Variants in LRP1B observed in about 807,000 individuals in gnomAD.
The protein encoded by LRP1B is LDL receptor related protein 1B.
LRP1B carries 217 observed loss-of-function variants against 556.6 expected under a neutral mutation model. The observed-to-expected ratio is 0.39, with a 90% CI of 0.35 to 0.44. LRP1B has a LOEUF of 0.44. Among genes scored for constraint, LRP1B ranks in the 20% least tolerant of loss-of-function variants. LRP1B has a pLI of 1.00. For missense variants in LRP1B, 5,053 were observed against 5,620.8 expected, an observed-to-expected ratio of 0.90 and a Z score of 3.23; for synonymous variants, 2,047 against 1,865.8, an observed-to-expected ratio of 1.10 and a Z score of -2.50.
chr2:141,637,405 G>T (rs180883680), intron 2 of LRP1B, among the ~76,000 whole-genome samples: 9 of 152,284 alleles, frequency 5.9e-5, no homozygotes, highest in African/African-American at 1.7e-4. Flanking sequence ...TCTAGGGGAA[G>T]AAACCCAAGT....
Position 140,994,088 on chromosome 2 carries a change from G to A in LRP1B, c.2551C>T (p.Arg851Cys), listed in dbSNP as rs770616268. 9.9e-6 allele frequency: 16 copies of A among 1,612,462 alleles called. No individual in the cohort carries two copies. Among genetic ancestry groups the A allele is most frequent in the African/African-American group, 5.3e-5 (4 of 74,770 alleles). ...TGGATACAGTGTCTGTTTTTGCAGC[G>A]AAACTCTCCAGCTTTACATATGTGA... is the stretch of plus-strand genomic sequence containing the variant. ...LPHICKAGEF[R>C]CKNRHCIQAR... The change falls in exon 16 of 91, where the codon CGC becomes TGC. Residue 851 changes from arginine (R) to cysteine (C), a missense_variant. Physicochemically the swap from Arg to Cys is radical, Grantham distance 180. Around this residue, in one of 5 missense-constraint regions of LRP1B, gnomAD observed 3,619 missense variants for 3,931.9 expected, o/e 0.92. Coordinates refer to ENST00000389484, the MANE Select transcript of LRP1B (RefSeq NM_018557.3).
chr2:141,466,913 G>C (rs1682224709), intron 3 of LRP1B, among the ~76,000 whole-genome samples: 1 of 148,056 alleles, frequency 6.8e-6, no homozygotes, highest in Non-Finnish European at 1.5e-5. Flanking sequence ...CACAATTCCT[G>C]ACTGATATGG....
intron 7 of LRP1B, among the ~76,000 whole-genome samples, chr2:141,065,544 G>C (rs1699458019): frequency 6.6e-6 from 1 of 151,900 alleles, no homozygotes; most frequent in African/African-American, 2.4e-5. Context: ...TTTCCAAAGA[G>C]TAGATAAGGG....
At chr2:141,853,811 T>C (rs1697948586) in intron 1 of LRP1B, among the ~76,000 whole-genome samples, 1 of 152,024 alleles carries the variant, frequency 6.6e-6, no homozygotes, top group Non-Finnish European at 1.5e-5. Flanking sequence ...TATGCATTTC[T>C]GAGAAAAGAG....
At chr2:141,863,323 A>G (rs1251678150) in intron 1 of LRP1B, among the ~76,000 whole-genome samples, 2 of 152,130 alleles carry the variant, frequency 1.3e-5, no homozygotes, top group African/African-American at 2.4e-5. Flanking sequence ...AAGAGTTTAT[A>G]TTGTGGTGGC....
chr2:140,664,729 A>G (rs1039029149), intron 41 of LRP1B, among the ~76,000 whole-genome samples: 2 of 152,030 alleles, frequency 1.3e-5, no homozygotes, highest in African/African-American at 4.8e-5. Flanking sequence ...TGCTTAATTT[A>G]GAAATATATT....
intron 14 of LRP1B, among the ~76,000 whole-genome samples, chr2:141,006,423 G>T (rs2105375379): frequency 6.6e-6 from 1 of 152,070 alleles, no homozygotes; most frequent in Admixed American, 6.6e-5. Context: ...CAATTGTAAA[G>T]GTGTCGGTAT....
intron 23 of LRP1B, among the ~76,000 whole-genome samples, chr2:140,897,310 C>T (rs1693982253): frequency 6.6e-6 from 1 of 152,130 alleles, no homozygotes; most frequent in Admixed American, 6.5e-5. Flanking sequence ...CCCTCTCCTA[C>T]CTTCCTGTTT....
intron 2 of LRP1B, among the ~76,000 whole-genome samples, chr2:141,786,987 A>G (rs1314742152): frequency 2.0e-5 from 3 of 151,934 alleles, no homozygotes; most frequent in African/African-American, 7.2e-5. Flanking sequence ...TCCAGTATCA[A>G]CATCACTTGG....
chr2:141,850,622 C>CTGTGTG (rs70994458), intron 1 of LRP1B, among the ~76,000 whole-genome samples: 2,393 of 141,156 alleles, frequency 0.017, 32 homozygotes, highest in Middle Eastern at 0.022. Context: ...AGCATAAACT[C>CTGTGTG]TGTGTGTGTG....
chr2:141,838,517 G>T (rs1358616455), intron 1 of LRP1B, among the ~76,000 whole-genome samples: 1 of 152,134 alleles, frequency 6.6e-6, no homozygotes, highest in Admixed American at 6.6e-5. Flanking sequence ...GGTAATAAGT[G>T]ATGAGCACAT....
At chr2:140,261,839 G>C (rs1681957193) in intron 86 of LRP1B, among the ~76,000 whole-genome samples, 1 of 151,910 alleles carries the variant, frequency 6.6e-6, no homozygotes, top group African/African-American at 2.4e-5. Context: ...AGGAAATGTG[G>C]ATATTGTAAG....
chr2:141,993,298 G>A (rs1702396193), intron 1 of LRP1B, among the ~76,000 whole-genome samples: 1 of 152,212 alleles, frequency 6.6e-6, no homozygotes, highest in South Asian at 2.1e-4. Flanking sequence ...GGAAACAATG[G>A]TGACCTCTGG....
chr2:140,518,708 G>A lies in LRP1B; in HGVS notation c.8027-1697C>T, dbSNP rs537105362. Among the ~76,000 whole-genome samples the A allele has an allele frequency of 8.4e-4, 128 of 152,268 alleles. 1 individual carries two copies. Among genetic ancestry groups the A allele is most frequent in the Non-Finnish European group, 1.2e-3 (85 of 68,022 alleles). On this transcript the variant is annotated intron_variant, in intron 49 of 90. Transcript: ENST00000389484. ...CTCTTTGTAACAACTGTGAATGGGAGTTCACTCATGATTTGGCTCTCTGTC... is the reference window on the plus strand; with the variant it reads ...CTCTTTGTAACAACTGTGAATGGGAATTCACTCATGATTTGGCTCTCTGTC...
At chr2:140,874,399 GTTT>G (rs1693238710) in intron 25 of LRP1B, among the ~76,000 whole-genome samples, 1 of 151,886 alleles carries the variant, frequency 6.6e-6, no homozygotes, top group Admixed American at 6.6e-5. Flanking sequence ...GCTCATATAA[GTTT>G]TTTTCATTAA....
At chr2:141,176,344 T>A (rs183182549) in intron 7 of LRP1B, among the ~76,000 whole-genome samples, 169 of 152,194 alleles carry the variant, frequency 1.1e-3, no homozygotes, top group African/African-American at 3.3e-3. Context: ...AGGAGGGTTC[T>A]GGTGAGAGGT....
intron 41 of LRP1B, among the ~76,000 whole-genome samples, chr2:140,653,345 A>G (rs965934167): frequency 1.3e-5 from 2 of 152,124 alleles, no homozygotes; most frequent in African/African-American, 4.8e-5. Flanking sequence ...GGAGATATAC[A>G]TATCTCTTAA....
At chr2:140,800,696 T>C (rs2105007739) in intron 32 of LRP1B, among the ~76,000 whole-genome samples, 1 of 152,306 alleles carries the variant, frequency 6.6e-6, no homozygotes, top group Non-Finnish European at 1.5e-5. Flanking sequence ...ACTCTTTTAC[T>C]CTTGGTGTGA....
intron 1 of LRP1B, among the ~76,000 whole-genome samples, chr2:142,064,546 A>C (rs555063738): frequency 1.3e-5 from 2 of 151,664 alleles, no homozygotes; most frequent in Non-Finnish European, 3.0e-5. Flanking sequence ...TTGTAGTAAT[A>C]TCATGATTCT....
Sources: gnomAD v4.1 joint callset for allele counts (sites outside exome capture counted in the v4.1 genomes callset) on GRCh38, gnomAD v4.1.1 for gene constraint, gnomAD v4.1.1 regional missense constraint, MANE v1.5 for transcripts, NCBI Gene and HGNC (gene_info 2026-07-23, HGNC 2026-07-21) for gene names.